GRM8: variants seen among roughly 807,000 people sequenced by gnomAD.
The protein encoded by GRM8 is metabotropic glutamate receptor 8.
GRM8 carries 47 observed loss-of-function variants against 87.2 expected under a neutral mutation model. The ratio of observed to expected loss-of-function variants is 0.54; its 90% CI spans 0.43 to 0.69. GRM8 has a LOEUF of 0.69. Ranked by LOEUF, GRM8 falls within the 30% of genes least tolerant of loss-of-function variation. The probability of loss-of-function intolerance (pLI) is 0.00; values close to 1 mark genes in which losing one functional copy is unlikely to be tolerated. For synonymous variants in GRM8, 396 were observed against 404.5 expected (o/e 0.98, Z 0.25); for missense variants, 1,019 against 1,139.2 (o/e 0.89, Z 1.52).
intron 8 of GRM8, among the ~76,000 whole-genome samples, chr7:126,540,755 C>A (rs1036913481): frequency 6.6e-6 from 1 of 151,904 alleles, no homozygotes; most frequent in Non-Finnish European, 1.5e-5. Flanking sequence ...ATTCCAGGAG[C>A]TAGGGGGAAG....
At chr7:126,962,706 C>T (rs1004735045) in intron 3 of GRM8, among the ~76,000 whole-genome samples, 5 of 152,160 alleles carry the variant, frequency 3.3e-5, no homozygotes, top group African/African-American at 1.2e-4. Context: ...ACATTGTTTT[C>T]TTTGAATACC....
intron 2 of GRM8, among the ~76,000 whole-genome samples, chr7:127,117,832 G>A (rs915871375): frequency 9.2e-5 from 14 of 152,122 alleles, no homozygotes; most frequent in African/African-American, 2.9e-4. Flanking sequence ...GTCAGCACTA[G>A]AACATTATAA....
intron 7 of GRM8, among the ~76,000 whole-genome samples, chr7:126,723,910 T>TTTA (rs1812694336): frequency 6.6e-6 from 1 of 152,082 alleles, no homozygotes; most frequent in South Asian, 2.1e-4. Context: ...AATCAGAAAC[T>TTTA]GTTAATTTTA....
intron 6 of GRM8, among the ~76,000 whole-genome samples, chr7:126,862,482 A>G (rs1269537984): frequency 6.6e-6 from 1 of 151,996 alleles, no homozygotes; most frequent in Non-Finnish European, 1.5e-5. Context: ...TGGATTTTCT[A>G]TGTACATACT....
intron 3 of GRM8, among the ~76,000 whole-genome samples, chr7:127,078,370 A>T (rs1586934805): frequency 1.3e-5 from 2 of 152,300 alleles, no homozygotes; most frequent in Middle Eastern, 3.4e-3. Context: ...TAGCTCCTCT[A>T]GCACAGTTCC....
At chr7:126,947,505 T>C (rs996646341) in intron 3 of GRM8, among the ~76,000 whole-genome samples, 1 of 152,072 alleles carries the variant, frequency 6.6e-6, no homozygotes, top group African/African-American at 2.4e-5. Context: ...ATTTTAAGTA[T>C]AACTTGTTTA....
chr7:126,467,391 C>T (rs1034988598), intron 9 of GRM8, among the ~76,000 whole-genome samples: 3 of 152,012 alleles, frequency 2.0e-5, no homozygotes, highest in African/African-American at 4.8e-5. Flanking sequence ...CTAGTTTTCA[C>T]AGCAATTTCT....
chr7:126,683,381 T>C (rs1339771574), intron 7 of GRM8, among the ~76,000 whole-genome samples: 1 of 152,238 alleles, frequency 6.6e-6, no homozygotes, highest in Non-Finnish European at 1.5e-5. Flanking sequence ...AAGCCTCTGA[T>C]ATTTCAAGCT....
At chr7:127,040,695 G>A (rs1402332629) in intron 3 of GRM8, among the ~76,000 whole-genome samples, 1 of 152,082 alleles carries the variant, frequency 6.6e-6, no homozygotes, top group Non-Finnish European at 1.5e-5. Context: ...GCAAGGCCCA[G>A]TTTACTAACC....
chr7:126,937,891 A>T (rs1336599669), intron 3 of GRM8, among the ~76,000 whole-genome samples: 2 of 152,170 alleles, frequency 1.3e-5, no homozygotes, highest in Non-Finnish European at 2.9e-5. Flanking sequence ...CTCTTTGGGA[A>T]GAAGGTGGGC....
chr7:126,872,361 T>C (rs1367796500), intron 6 of GRM8, among the ~76,000 whole-genome samples: 1 of 152,112 alleles, frequency 6.6e-6, no homozygotes, highest in Non-Finnish European at 1.5e-5. Context: ...CCATTCACAT[T>C]CCATTGTGTC....
chr7:127,249,757 C>A (rs917410956), intron 1 of GRM8, among the ~76,000 whole-genome samples: 6 of 152,196 alleles, frequency 3.9e-5, no homozygotes, highest in African/African-American at 7.2e-5. Flanking sequence ...AGCTCATAGC[C>A]TCTCCTGGGA....
At chr7:127,111,454 A>C (rs940214458) in intron 2 of GRM8, among the ~76,000 whole-genome samples, 120 of 151,974 alleles carry the variant, frequency 7.9e-4, no homozygotes, top group Non-Finnish European at 1.5e-4. Context: ...CCTTCCTTGA[A>C]ATGGTAAGTG....
chr7:127,027,991 G>C (rs1305456213), intron 3 of GRM8, among the ~76,000 whole-genome samples: 1 of 151,886 alleles, frequency 6.6e-6, no homozygotes, highest in Non-Finnish European at 1.5e-5. Flanking sequence ...CTCTTATTTT[G>C]AGATACATTA....
chr7:126,635,540 G>T (rs1801771685), intron 7 of GRM8, among the ~76,000 whole-genome samples: 1 of 151,972 alleles, frequency 6.6e-6, no homozygotes, highest in Non-Finnish European at 1.5e-5. Flanking sequence ...ATTAAAATTT[G>T]GGTACATCAC....
chr7:127,218,390 C>A (rs538138804), intron 2 of GRM8, among the ~76,000 whole-genome samples: 46 of 152,212 alleles, frequency 3.0e-4, no homozygotes, highest in Non-Finnish European at 4.9e-4. Context: ...TGCTTAAGAG[C>A]CTCATTCAGC....
At chr7:126,932,159 G>C (rs1179591742) in intron 3 of GRM8, among the ~76,000 whole-genome samples, 1 of 152,118 alleles carries the variant, frequency 6.6e-6, no homozygotes, top group African/African-American at 2.4e-5. Context: ...TTTTATGTTG[G>C]TTGGTAGGTT....
chr7:126,851,849 C>G (rs913295527), intron 6 of GRM8, among the ~76,000 whole-genome samples: 2 of 152,146 alleles, frequency 1.3e-5, no homozygotes, highest in Admixed American at 6.5e-5. Flanking sequence ...TACTCTCTAG[C>G]TAATATACTA....
rs943001788 is a variant in GRM8 at position 126,775,529 on chromosome 7, G to T, written c.1157-5464C>A. Among the ~76,000 whole-genome samples, 15 of 139,718 alleles carry T rather than the reference G, an allele frequency of 1.1e-4. No individual in the cohort carries two copies. The East Asian group carries it at 2.3e-3, about 21-fold the overall frequency. 91.7% of individuals were successfully genotyped at this position (139,718 alleles called of 152,430 possible). The stretch of plus-strand genomic sequence containing the variant: ...TTTTTACTAAATTTAAACTGATTTG[G>T]GTTCCAGGATACAATAGGGGGAACA... On this transcript the variant is annotated intron_variant, in intron 6 of 10. Transcript: ENST00000339582.
Sources: allele counts gnomAD v4.1 joint callset (sites outside exome capture counted in the v4.1 genomes callset), GRCh38; gene constraint gnomAD v4.1.1; transcripts MANE v1.5; gene names NCBI Gene and HGNC (gene_info 2026-07-23, HGNC 2026-07-21).